The following MMP16 variants were observed in gnomAD, a reference collection of about 807,000 sequenced individuals.
The protein encoded by MMP16 is matrix metallopeptidase 16, also known as matrix metalloproteinase-16.
Under a neutral mutation model 67.8 loss-of-function variants are expected in MMP16, and 12 were observed. The observed-to-expected ratio is 0.18, with a 90% CI of 0.11 to 0.29. The LOEUF (loss-of-function observed/expected upper bound fraction) is 0.29, where lower values mean the gene tolerates loss of function less well. Among genes scored for constraint, MMP16 ranks in the 10% least tolerant of loss-of-function variants. The pLI is 1.00. For missense variants in MMP16, 475 were observed against 765.7 expected, an observed-to-expected ratio of 0.62 and a Z score of 4.48; for synonymous variants, 249 against 255.9, an observed-to-expected ratio of 0.97 and a Z score of 0.26.
chr8:88,312,537 C>A (rs1358535703), intron 1 of MMP16, among the ~76,000 whole-genome samples: 1 of 152,060 alleles, frequency 6.6e-6, no homozygotes, highest in Non-Finnish European at 1.5e-5. Context: ...ATACACAGAC[C>A]ACCACAGCCA....
chr8:88,317,305 C>A (rs1195649824), intron 1 of MMP16, among the ~76,000 whole-genome samples: 2 of 152,148 alleles, frequency 1.3e-5, no homozygotes, highest in East Asian at 3.9e-4. Context: ...GCTGCCACAG[C>A]CACCCTCATC....
intron 1 of MMP16, among the ~76,000 whole-genome samples, chr8:88,306,628 T>C (rs1811215503): frequency 6.6e-6 from 1 of 152,130 alleles, no homozygotes; most frequent in Non-Finnish European, 1.5e-5. Flanking sequence ...GTTCAATATA[T>C]GCAAATCAGT....
intron 1 of MMP16, among the ~76,000 whole-genome samples, chr8:88,293,872 T>C (rs1810963798): frequency 6.6e-6 from 1 of 152,086 alleles, no homozygotes; most frequent in Non-Finnish European, 1.5e-5. Context: ...TGAGCCAATG[T>C]TTCATGACCA....
intron 1 of MMP16, among the ~76,000 whole-genome samples, chr8:88,225,733 A>G (rs1483066269): frequency 6.6e-6 from 1 of 151,846 alleles, no homozygotes; most frequent in Non-Finnish European, 1.5e-5. Flanking sequence ...GATGCTGCCA[A>G]ATTGCCTTCT....
chr8:88,143,338 G>A (rs1808242104), intron 4 of MMP16, among the ~76,000 whole-genome samples: 2 of 152,174 alleles, frequency 1.3e-5, no homozygotes, highest in East Asian at 1.9e-4. Context: ...AAAGAGAAGT[G>A]TTTCCCAATG....
At chr8:88,316,201 G>T (rs1198383164) in intron 1 of MMP16, among the ~76,000 whole-genome samples, 1 of 152,186 alleles carries the variant, frequency 6.6e-6, no homozygotes, top group African/African-American at 2.4e-5. Context: ...TGAAGAAACT[G>T]CAGCAAGTTA....
rs190394661 is a variant in MMP16, at chr8:88,207,052, T to C, written c.133-9746A>G. Among the ~76,000 whole-genome samples the C allele has an allele frequency of 1.4e-3, 208 of 152,274 alleles. 2 individuals are homozygous for C. The highest frequency in any genetic ancestry group is 4.9e-3 in the African/African-American group (204 of 41,548). On this transcript the variant is annotated intron_variant, in intron 1 of 9. Transcript: ENST00000286614. ...AACCTCATAGATGAACCATATATCC[T>C]GGAAATATCAAAAAACTCTAAAATT...
chr8:88,271,701 A>G (rs1020937934), intron 1 of MMP16, among the ~76,000 whole-genome samples: 2 of 152,168 alleles, frequency 1.3e-5, no homozygotes, highest in Non-Finnish European at 2.9e-5. Context: ...AAAGTTTCAG[A>G]TAAAGTATTT....
At chr8:88,197,076 G>T in intron 2 of MMP16, 82 bp downstream of exon 2, 2 of 1,294,138 alleles carry the variant, frequency 1.5e-6, no homozygotes, top group Non-Finnish European at 2.1e-6. Flanking sequence ...ATTTCTGGTT[G>T]GTGGAGTTCA....
At chr8:88,228,424 T>C (rs1809804596) in intron 1 of MMP16, among the ~76,000 whole-genome samples, 1 of 152,090 alleles carries the variant, frequency 6.6e-6, no homozygotes, top group Non-Finnish European at 1.5e-5. Context: ...GTGATTTTTA[T>C]AAACTCTAAT....
chr8:88,090,229 A>G (rs1025664807), intron 6 of MMP16, among the ~76,000 whole-genome samples: 2 of 151,980 alleles, frequency 1.3e-5, no homozygotes, highest in Non-Finnish European at 2.9e-5. Context: ...TTAGTTTTAT[A>G]AACATCATGA....
intron 4 of MMP16, among the ~76,000 whole-genome samples, chr8:88,159,261 T>C (rs1285697897): frequency 6.6e-6 from 1 of 152,238 alleles, no homozygotes; most frequent in African/African-American, 2.4e-5. Flanking sequence ...TTGGGCAGTA[T>C]GGCCATTTTC....
At chr8:88,136,773 T>C (rs1808125671) in intron 4 of MMP16, among the ~76,000 whole-genome samples, 1 of 151,738 alleles carries the variant, frequency 6.6e-6, no homozygotes, top group Non-Finnish European at 1.5e-5. Flanking sequence ...TGTTGATAAA[T>C]ATTGGAGTTG....
rs1444828232 is a variant in MMP16, at chr8:88,058,824, T to C, written c.1223-2546A>G. Among the ~76,000 whole-genome samples the C allele has an allele frequency of 6.6e-6, 1 of 152,094 alleles. No homozygotes were observed. Among genetic ancestry groups the C allele is most frequent in the Non-Finnish European group, 1.5e-5 (1 of 67,992 alleles). On this transcript the variant is annotated intron_variant, in intron 7 of 9. Coordinates refer to ENST00000286614, the MANE Select transcript of MMP16 (RefSeq NM_005941.5). The surrounding 1 kb of genome is among the most constrained non-coding windows in gnomAD (Gnocchi z 4.2). The stretch of plus-strand genomic sequence containing the variant: ...TTATTCTAAATGAAATAGGAAGTCA[T>C]TGAACAGTTAAATCAAAAAGTTCTT...
chr8:88,107,235 T>C (rs916910223), intron 6 of MMP16, among the ~76,000 whole-genome samples: 6 of 151,178 alleles, frequency 4.0e-5, no homozygotes, highest in Non-Finnish European at 7.4e-5. Flanking sequence ...CATTTTTCTA[T>C]ATAATCTTTA....
chr8:88,091,111 T>A (rs1360514405), intron 6 of MMP16, among the ~76,000 whole-genome samples: 3 of 151,774 alleles, frequency 2.0e-5, no homozygotes, highest in Non-Finnish European at 4.4e-5. Context: ...AATTAAATCA[T>A]CAATCATTAA....
Position 88,038,106 on chromosome 8 carries a change from G to A in MMP16, c.*3355C>T, listed in dbSNP as rs1808078901. ...ACTTTCCCTTTCACTGTTCCATTTGGTTTGAGACTTTTTTCCCAAACCTCA... is the reference window on the plus strand; with the variant it reads ...ACTTTCCCTTTCACTGTTCCATTTGATTTGAGACTTTTTTCCCAAACCTCA... On this transcript the variant is annotated 3_prime_UTR_variant, in exon 10 of 10. Coordinates refer to ENST00000286614, the MANE Select transcript of MMP16 (RefSeq NM_005941.5). This position sits in a 1 kb window ranked among gnomAD's most constrained non-coding sequence, Gnocchi z 4.1. 1 of 151,824 alleles carries A rather than the reference G, an allele frequency of 6.6e-6. No homozygotes were observed. Among genetic ancestry groups the A allele is most frequent in the African/African-American group, 2.4e-5 (1 of 41,380 alleles). The allele number at this position is 151,824 out of a possible 1,614,324, so 9.4% of individuals were successfully genotyped here. A position where few individuals can be genotyped will look rare whatever the true frequency, so the allele number is the denominator to read the frequency against.
In MMP16 at chr8:88,140,749, A is replaced by C. The variant is rs984108647; in HGVS notation, c.710-21888T>G. 2.0e-5 allele frequency among the ~76,000 whole-genome samples: 3 copies of C among 152,166 alleles called. No homozygotes were observed. In the South Asian group the frequency reaches 6.2e-4, roughly 32 times the overall value. ...TTTCATAACATTTTGATTAGAAAGA[A>C]CTGCTGCCTACAAGAATTCAGAAAA... On this transcript the variant is annotated intron_variant, in intron 4 of 9. Coordinates refer to ENST00000286614, the MANE Select transcript of MMP16 (RefSeq NM_005941.5).
Position 88,215,756 on chromosome 8 carries a change from C to T in MMP16, c.133-18450G>A, listed in dbSNP as rs138768730. On this transcript the variant is annotated intron_variant, in intron 1 of 9. Transcript: ENST00000286614. ...CATCTCCTGTAGTTTTTCTTAACTG[C>T]CCCTAAATCTCAGGAAATAGTTTCA... Among the ~76,000 whole-genome samples the T allele has an allele frequency of 6.6e-4, 100 of 152,194 alleles. 2 individuals are homozygous for T. In the East Asian group the frequency reaches 8.9e-3, roughly 14 times the overall value.
Sources: gnomAD v4.1 joint callset for allele counts (sites outside exome capture counted in the v4.1 genomes callset) on GRCh38, gnomAD v4.1.1 for gene constraint, Gnocchi (gnomAD v3.1) non-coding constraint, MANE v1.5 for transcripts, NCBI Gene and HGNC (gene_info 2026-07-23, HGNC 2026-07-21) for gene names.